Variants in LENG9 observed in about 807,000 individuals in gnomAD.
LENG9 encodes the protein leukocyte receptor cluster (LRC) member 9.
For missense variants in LENG9, 872 were observed against 652.7 expected (o/e 1.34, Z -3.66); for synonymous variants, 410 against 303.9 (o/e 1.35, Z -3.63).
chr19:54,463,071 C>T lies in LENG9; in HGVS notation c.456G>A (p.Ala152=), dbSNP rs2084648259. The T allele has an allele frequency of 1.9e-6, 3 of 1,601,632 alleles. No individual in the cohort carries two copies. Among genetic ancestry groups the T allele is most frequent in the Non-Finnish European group, 1.7e-6 (2 of 1,179,194 alleles). ...CGTCCAGGATGGTGGGCCCGCGTCC[C>T]GCCGCCGAGCCAGAGCCAAAGACGA... ...TDLVFGSGSA[A]GRGPTILDAP... is the part of the protein sequence containing the mutation. The change falls in exon 1 of 1, where the codon GCG becomes GCA. Residue 152 remains alanine (A), a synonymous_variant. Coordinates refer to ENST00000611161, the MANE Select transcript of LENG9 (RefSeq NM_001301782.2).
rs531274898 is a variant in LENG9, at chr19:54,461,879, C to A, written c.*211G>T. 1 of 721,950 alleles carries A rather than the reference C, an allele frequency of 1.4e-6. No homozygotes were observed. The highest frequency in any genetic ancestry group is 1.7e-5 in the African/African-American group (1 of 57,478). 44.7% of individuals were successfully genotyped at this position (721,950 alleles called of 1,614,324 possible). On this transcript the variant is annotated 3_prime_UTR_variant, in exon 1 of 1. Transcript: ENST00000611161. Reference sequence around the variant, plus strand: ...TGCAAACAGCTGGACTGTCAGGCTGCTTTTTTTCCAGATGTTCCTCCTCTG... The same window carrying A: ...TGCAAACAGCTGGACTGTCAGGCTGATTTTTTTCCAGATGTTCCTCCTCTG...
At position 54,462,469 on chromosome 19, in the gene LENG9, T is replaced by G. The variant is rs369115740; in HGVS notation, c.1058A>C (p.Glu353Ala). Residue 353 changes from glutamate to alanine, a missense_variant, in exon 1 of 1, where the codon GAG becomes GCG. Transcript: ENST00000611161. ...ALLRLAGAGE[E>A]AAAIGALRRA... Reference sequence around the variant, plus strand: ...TCTCAGAGCTCCAATGGCAGCGGCCTCCTCCCCAGCGCCTGCCAGTCGCAG... The same window carrying G: ...TCTCAGAGCTCCAATGGCAGCGGCCGCCTCCCCAGCGCCTGCCAGTCGCAG... The G allele has an allele frequency of 1.1e-5, 17 of 1,613,214 alleles. No individual in the cohort carries two copies. The highest frequency in any genetic ancestry group is 2.2e-5 in the East Asian group (1 of 44,892).
At position 54,462,129 on chromosome 19, in the gene LENG9, C is replaced by A; in HGVS notation, c.1398G>T (p.Gly466=). The A allele has an allele frequency of 6.3e-7, 1 of 1,585,672 alleles. No homozygotes were observed. Among genetic ancestry groups the A allele is most frequent in the Non-Finnish European group, 8.6e-7 (1 of 1,164,394 alleles). Residue 466 remains glycine, a synonymous_variant, in exon 1 of 1, where the codon GGG becomes GGT. Transcript: ENST00000611161. The part of the protein sequence containing the change: ...TLWLCRIGRT[G]GPFQPLAEIP... ...TCTCAGCCAGGGGCTGGAAAGGCCC[C>A]CCTGTCCTCCCTATACGGCACAGCC... is the stretch of plus-strand genomic sequence containing the variant.
chr19:54,462,237 C>T lies in LENG9; in HGVS notation c.1290G>A (p.Val430=). The change falls in exon 1 of 1, where the codon GTG becomes GTA. Residue 430 remains valine, a synonymous_variant. Transcript: ENST00000611161. Reference sequence around the variant, plus strand: ...GGAGGTGGACCTGGGAACCATGGGGCACCTTGGCCACGGTGAGGTGGGGGT... The same window carrying T: ...GGAGGTGGACCTGGGAACCATGGGGTACCTTGGCCACGGTGAGGTGGGGGT... ...QLHPHLTVAK[V]PHGSQVHLPK... The T allele has an allele frequency of 1.2e-6, 2 of 1,613,036 alleles. No individual in the cohort carries two copies. Among genetic ancestry groups the T allele is most frequent in the East Asian group, 2.2e-5 (1 of 44,868 alleles).
In LENG9 at chr19:54,462,399, G is replaced by T; in HGVS notation, c.1128C>A (p.Ser376Arg). Reference sequence around the variant, plus strand: ...GGCCCAGGAGGACCAGCTTTCTAAAGCTCAGCCGAGGGGGTGCATTTAGCC... The same window carrying T: ...GGCCCAGGAGGACCAGCTTTCTAAATCTCAGCCGAGGGGGTGCATTTAGCC... ...APGLNAPPRLSFRKLVLLGPH... is the reference protein window; with the variant it reads ...APGLNAPPRLRFRKLVLLGPH... The change falls in exon 1 of 1, where the codon AGC (serine) becomes AGA (arginine). Residue 376 changes from serine to arginine, a missense_variant. By Grantham distance (110) the Ser-to-Arg change is moderately radical. Coordinates refer to ENST00000611161, the MANE Select transcript of LENG9 (RefSeq NM_001301782.2). 1 of 1,613,104 alleles carries T rather than the reference G, an allele frequency of 6.2e-7. No individual in the cohort carries two copies. The highest frequency in any genetic ancestry group is 1.3e-5 in the African/African-American group (1 of 75,036).
rs2123243945 is a variant in LENG9, at chr19:54,461,761, TA to T, written c.*328del. 1.8e-6 allele frequency: 1 copy of T among 557,176 alleles called. No individual in the cohort carries two copies. Among genetic ancestry groups the T allele is most frequent in the African/African-American group, 1.9e-5 (1 of 53,526 alleles). The allele number at this position is 557,176 out of a possible 1,614,324, so 34.5% of individuals were successfully genotyped here. On this transcript the variant is annotated 3_prime_UTR_variant, in exon 1 of 1. Coordinates refer to ENST00000611161, the MANE Select transcript of LENG9 (RefSeq NM_001301782.2). ...CTTCTCTTTTCTTTGTGTGTGTGTT[TA>T]TTTAAGTTATTTTTCTTCCTCCTCT...
chr19:54,463,278 G>A lies in LENG9; in HGVS notation c.249C>T (p.Ala83=), dbSNP rs1339024121. 6 of 1,540,832 alleles carry A rather than the reference G, an allele frequency of 3.9e-6. No individual in the cohort carries two copies. Among genetic ancestry groups the A allele is most frequent in the Admixed American group, 1.9e-5 (1 of 51,662 alleles). The change falls in exon 1 of 1, where the codon GCC becomes GCT. Residue 83 remains alanine, a synonymous_variant. Coordinates refer to ENST00000611161, the MANE Select transcript of LENG9 (RefSeq NM_001301782.2). ...GGTCGACGTAGCCCACCGAGAAGTC[G>A]GCGGGGTCGAGGCGCGGGTCCCAGC... The part of the protein sequence containing the change: ...RIRWDPRLDP[A]DFSVGYVDRF...
chr19:54,462,309 C>G lies in LENG9; in HGVS notation c.1218G>C (p.Arg406Ser). 1 of 1,602,898 alleles carries G rather than the reference C, an allele frequency of 6.2e-7. No individual in the cohort carries two copies. The highest frequency in any genetic ancestry group is 8.5e-7 in the Non-Finnish European group (1 of 1,172,770). Residue 406 changes from arginine (R) to serine (S), a missense_variant, in exon 1 of 1, where the codon AGG becomes AGC. Coordinates refer to ENST00000611161, the MANE Select transcript of LENG9 (RefSeq NM_001301782.2). ...GTGTACTCAGCCCCTCGGCTTCCAGCCTCTGGCTCAGCACTTGTGCCATGC... is the reference window on the plus strand; with the variant it reads ...GTGTACTCAGCCCCTCGGCTTCCAGGCTCTGGCTCAGCACTTGTGCCATGC... ...LESMAQVLSQ[R>S]LEAEGLSTLQ...
rs2084631363 is a variant in LENG9, at chr19:54,462,709, T to G, written c.818A>C (p.Glu273Ala). ...CTCGGGCCAGGCCGCAGGACCCCAC[T>G]CGGCTTCTGTCGTCTCAGCGGAGCC... ...PGGSAETTEA[E>A]WGPAAWPEDK... is the part of the protein sequence containing the mutation. The change falls in exon 1 of 1, where the codon GAG becomes GCG. Residue 273 changes from glutamate (E) to alanine (A), a missense_variant. Glu to Ala is a moderately radical substitution (Grantham distance 107). Coordinates refer to ENST00000611161, the MANE Select transcript of LENG9 (RefSeq NM_001301782.2). The G allele has an allele frequency of 6.2e-7, 1 of 1,610,612 alleles. No individual in the cohort carries two copies. Among genetic ancestry groups the G allele is most frequent in the South Asian group, 1.1e-5 (1 of 91,084 alleles).
chr19:54,462,022 A>T lies in LENG9; in HGVS notation c.*68T>A. 1 of 1,496,904 alleles carries T rather than the reference A, an allele frequency of 6.7e-7. No homozygotes were observed. Among genetic ancestry groups the T allele is most frequent in the Admixed American group, 2.0e-5 (1 of 49,302 alleles). 92.7% of individuals were successfully genotyped at this position (1,496,904 alleles called of 1,614,324 possible). On this transcript the variant is annotated 3_prime_UTR_variant, in exon 1 of 1. Coordinates refer to ENST00000611161, the MANE Select transcript of LENG9 (RefSeq NM_001301782.2). ...TTAAAGAGAGAAAGAGAGAGCGTGC[A>T]CGCTCCTGCTTTGTCTTTCCTGTGT...
In LENG9 at chr19:54,463,502, A is replaced by G; in HGVS notation, c.25T>C (p.Leu9=). Residue 9 remains leucine, a synonymous_variant, in exon 1 of 1, where the codon TTG becomes CTG. Transcript: ENST00000611161. ...TCCGTGGCGGGGGCTTCCTGCGGCA[A>G]CTCCGGCTCTCTGGCCGCTGCCATG... MAAAREPE[L]PQEAPATEPA... is the part of the protein sequence containing the mutation. The G allele has an allele frequency of 7.6e-7, 1 of 1,323,550 alleles. No individual in the cohort carries two copies. The highest frequency in any genetic ancestry group is 1.5e-5 in the African/African-American group (1 of 65,790). 82.0% of individuals were successfully genotyped at this position (1,323,550 alleles called of 1,614,324 possible). A position where few individuals can be genotyped will look rare whatever the true frequency, so the allele number is the denominator to read the frequency against.
In LENG9 at chr19:54,462,946, C is replaced by T. The variant is rs1328235242; in HGVS notation, c.581G>A (p.Arg194Lys). ...AQAAPKRGST[R>K]PLCTGHQEPG... Reference sequence around the variant, plus strand: ...TTCCTGGTGCCCTGTGCAGAGCGGCCTTGTGCTCCCTCGCTTGGGGGCAGC... The same window carrying T: ...TTCCTGGTGCCCTGTGCAGAGCGGCTTTGTGCTCCCTCGCTTGGGGGCAGC... Residue 194 changes from arginine to lysine, a missense_variant, in exon 1 of 1, where the codon AGG becomes AAG. Physicochemically the swap from Arg to Lys is conservative, Grantham distance 26. Coordinates refer to ENST00000611161, the MANE Select transcript of LENG9 (RefSeq NM_001301782.2). The T allele has an allele frequency of 6.2e-7, 1 of 1,611,258 alleles. No individual in the cohort carries two copies. The highest frequency in any genetic ancestry group is 1.7e-5 in the Admixed American group (1 of 60,014).
chr19:54,462,920 G>C lies in LENG9; in HGVS notation c.607C>G (p.Pro203Ala). Residue 203 changes from proline to alanine, a missense_variant, in exon 1 of 1, where the codon CCA becomes GCA. Pro to Ala is a conservative substitution (Grantham distance 27). Coordinates refer to ENST00000611161, the MANE Select transcript of LENG9 (RefSeq NM_001301782.2). The part of the protein sequence containing the change: ...TRPLCTGHQE[P>A]GVEEPGELEA... ...AGCTCTCCGGGTTCCTCCACGCCTG[G>C]TTCCTGGTGCCCTGTGCAGAGCGGC... 1 of 1,612,442 alleles carries C rather than the reference G, an allele frequency of 6.2e-7. No individual in the cohort carries two copies. Among genetic ancestry groups the C allele is most frequent in the Non-Finnish European group, 8.5e-7 (1 of 1,179,966 alleles).
At position 54,462,498 on chromosome 19, in the gene LENG9, G is replaced by A. The variant is rs772498910; in HGVS notation, c.1029C>T (p.Ala343=). The A allele has an allele frequency of 2.5e-6, 4 of 1,613,392 alleles. No individual in the cohort carries two copies. Among genetic ancestry groups the A allele is most frequent in the Non-Finnish European group, 3.4e-6 (4 of 1,180,028 alleles). The change falls in exon 1 of 1, where the codon GCC becomes GCT. Residue 343 remains alanine (A), a synonymous_variant. Coordinates refer to ENST00000611161, the MANE Select transcript of LENG9 (RefSeq NM_001301782.2). ...CCCCAGCGCCTGCCAGTCGCAGCAG[G>A]GCCAGGGTCAGGTGTAGGTTCTGAG... The part of the protein sequence containing the change: ...VPSQNLHLTL[A]LLRLAGAGEE...
chr19:54,462,095 C>T lies in LENG9; in HGVS notation c.1432G>A (p.Glu478Lys). 1 of 1,564,804 alleles carries T rather than the reference C, an allele frequency of 6.4e-7. No homozygotes were observed. The highest frequency in any genetic ancestry group is 8.7e-7 in the Non-Finnish European group (1 of 1,155,492). ...CCTCCAGAGGTCTGGGGGTGTCACT[C>T]CAGGGGGATCTCAGCCAGGGGCTGG... ...PFQPLAEIPL[E>K] The change falls in exon 1 of 1, where the codon GAG becomes AAG. Residue 478 changes from glutamate (E) to lysine (K), a missense_variant. Glu to Lys is a moderately conservative substitution (Grantham distance 56). Transcript: ENST00000611161.
In LENG9 at chr19:54,462,974, G is replaced by C; in HGVS notation, c.553C>G (p.Gln185Glu). The change falls in exon 1 of 1, where the codon CAG becomes GAG. Residue 185 changes from glutamine to glutamate, a missense_variant. Gln to Glu is a conservative substitution (Grantham distance 29). Transcript: ENST00000611161. ...WTLAGTGQEA[Q>E]AAPKRGSTRP... ...GTGCTCCCTCGCTTGGGGGCAGCCTGGGCCTCCTGACCTGTCCCCGCCAGT... is the reference window on the plus strand; with the variant it reads ...GTGCTCCCTCGCTTGGGGGCAGCCTCGGCCTCCTGACCTGTCCCCGCCAGT... The C allele has an allele frequency of 6.2e-7, 1 of 1,607,552 alleles. No individual in the cohort carries two copies.
rs200320212 is a variant in LENG9, at chr19:54,462,799, G to A, written c.728C>T (p.Pro243Leu). ...RLAGVTEALK[P>L]TAATRTTLLG... ...CAATGTGGTCCTGGTGGCTGCTGTTGGCTTCAGTGCCTCAGTCACTCCGGC... is the reference window on the plus strand; with the variant it reads ...CAATGTGGTCCTGGTGGCTGCTGTTAGCTTCAGTGCCTCAGTCACTCCGGC... The change falls in exon 1 of 1, where the codon CCA (proline) becomes CTA (leucine). Residue 243 changes from proline to leucine, a missense_variant. Physicochemically the swap from Pro to Leu is moderately conservative, Grantham distance 98 (BLOSUM62 -3). Transcript: ENST00000611161. The A allele has an allele frequency of 3.6e-5, 57 of 1,572,060 alleles. No individual in the cohort carries two copies. Among genetic ancestry groups the A allele is most frequent in the East Asian group, 3.6e-4 (15 of 41,948 alleles).
In LENG9 at chr19:54,463,038, G is replaced by A; in HGVS notation, c.489C>T (p.Asn163=). Reference sequence around the variant, plus strand: ...CCTCTGCCCCGTGGGCGCCCTCGGTGTTCGGTGCGTCCAGGATGGTGGGCC... The same window carrying A: ...CCTCTGCCCCGTGGGCGCCCTCGGTATTCGGTGCGTCCAGGATGGTGGGCC... The part of the protein sequence containing the change: ...GRGPTILDAP[N]TEGAHGAEGA... The change falls in exon 1 of 1, where the codon AAC becomes AAT. Residue 163 remains asparagine, a synonymous_variant. Transcript: ENST00000611161. 3.1e-6 allele frequency: 5 copies of A among 1,602,940 alleles called. No individual in the cohort carries two copies. The highest frequency in any genetic ancestry group is 4.2e-6 in the Non-Finnish European group (5 of 1,179,498).
rs1016954064 is a variant in LENG9 at position 54,463,166 on chromosome 19, G to A, written c.361C>T (p.Pro121Ser). The A allele has an allele frequency of 1.9e-6, 3 of 1,584,508 alleles. No individual in the cohort carries two copies. Among genetic ancestry groups the A allele is most frequent in the African/African-American group, 1.3e-5 (1 of 74,526 alleles). ...CGGAAGAAGCGCACGCGGTGCTGGG[G>A]CACTGCCAGCACGCCCGGCCCGAGC... ...AALGPGVLAVPQHRVRFFRFR... is the reference protein window; with the variant it reads ...AALGPGVLAVSQHRVRFFRFR... Residue 121 changes from proline (P) to serine (S), a missense_variant, in exon 1 of 1, where the codon CCC becomes TCC. Coordinates refer to ENST00000611161, the MANE Select transcript of LENG9 (RefSeq NM_001301782.2).
Sources: gnomAD v4.1 joint callset for allele counts on GRCh38, gnomAD v4.1.1 for gene constraint, MANE v1.5 for transcripts, NCBI Gene and HGNC (gene_info 2026-07-23, HGNC 2026-07-21) for gene names.